Variants in RAB38 observed in about 807,000 individuals in gnomAD.
RAB38 encodes RAB38, member RAS oncogene family.
In RAB38, 15 loss-of-function variants were observed where a neutral mutation model predicts 18.4. The observed-to-expected ratio is 0.82, with a 90% CI of 0.55 to 1.26. The LOEUF is 1.26. Among genes scored for constraint, RAB38 ranks in the 50% most tolerant of loss-of-function variants. RAB38 has a pLI of 0.00. For synonymous variants in RAB38, 101 were observed against 104.4 expected, an observed-to-expected ratio of 0.97 and a Z score of 0.20; for missense variants, 294 against 267.4, an observed-to-expected ratio of 1.10 and a Z score of -0.69.
rs184704600 is a variant in RAB38 at position 88,147,185 on chromosome 11, G to A, written c.483+2490C>T. Among the ~76,000 whole-genome samples, 162 of 152,022 alleles carry A rather than the reference G, an allele frequency of 1.1e-3. 1 individual carries two copies. The highest frequency in any genetic ancestry group is 3.1e-3 in the African/African-American group (130 of 41,456). On this transcript the variant is annotated intron_variant, in intron 2 of 2. Transcript: ENST00000243662. ...ATCACACATCATATATTTATGTTTT[G>A]TTGTTGTTTTTATCCATGAAGGCAA...
chr11:87,860,549 A>G, the RAB38 span, among the ~76,000 whole-genome samples: 2 of 151,980 alleles, frequency 1.3e-5, no homozygotes, highest in African/African-American at 4.8e-5. Context: ...ATTGTATCTA[A>G]TTTTATAAGG....
At chr11:87,903,684 G>A in the RAB38 span, among the ~76,000 whole-genome samples, 1 of 150,724 alleles carries the variant, frequency 6.6e-6, no homozygotes, top group Non-Finnish European at 1.5e-5. Flanking sequence ...ATCCATCTGG[G>A]CCTATACGTT....
the RAB38 span, among the ~76,000 whole-genome samples, chr11:87,974,479 G>A: frequency 1.3e-5 from 2 of 151,762 alleles, no homozygotes; most frequent in Non-Finnish European, 2.9e-5. Flanking sequence ...AAAAACCTCA[G>A]TGACTTGTGA....
the RAB38 span, among the ~76,000 whole-genome samples, chr11:87,921,270 C>A: frequency 0.092 from 13,969 of 151,876 alleles, 840 homozygotes; most frequent in Admixed American, 0.22. Flanking sequence ...ATTTCCTGGG[C>A]TAGTGATACT....
the RAB38 span, among the ~76,000 whole-genome samples, chr11:88,011,182 T>TAAG: frequency 1.3e-5 from 2 of 152,248 alleles, no homozygotes; most frequent in Non-Finnish European, 2.9e-5. Context: ...TCCCACTTAA[T>TAAG]ATGTGTAAGA....
chr11:88,164,245 C>T (rs1424791381), intron 1 of RAB38, among the ~76,000 whole-genome samples: 2 of 108,088 alleles, frequency 1.9e-5, no homozygotes, highest in Non-Finnish European at 4.2e-5. Context: ...AAATATATGC[C>T]AAGGTGCTCT....
chr11:88,070,393 C>A, the RAB38 span, among the ~76,000 whole-genome samples: 1 of 152,204 alleles, frequency 6.6e-6, no homozygotes, highest in Non-Finnish European at 1.5e-5. Flanking sequence ...CCGGACACGC[C>A]ACCTTCAAGA....
At chr11:87,977,400 ATTAT>A in the RAB38 span, among the ~76,000 whole-genome samples, 1 of 88,272 alleles carries the variant, frequency 1.1e-5, no homozygotes, top group Non-Finnish European at 2.2e-5. Context: ...TATATATATA[ATTAT>A]ATTATAAAAT....
At chr11:88,110,805 C>A (rs1444056071), downstream of RAB38, among the ~76,000 whole-genome samples, 2 of 142,780 alleles carry the variant, frequency 1.4e-5, no homozygotes, top group Non-Finnish European at 1.5e-5. Flanking sequence ...TACAGTGAGA[C>A]TCCATCTCAA....
the RAB38 span, among the ~76,000 whole-genome samples, chr11:87,911,361 G>C: frequency 6.6e-6 from 1 of 152,022 alleles, no homozygotes; most frequent in African/African-American, 2.4e-5. Flanking sequence ...TCAATTTAGA[G>C]AGAAATAACA....
chr11:88,047,375 T>C, the RAB38 span, among the ~76,000 whole-genome samples: 1 of 152,190 alleles, frequency 6.6e-6, no homozygotes, highest in South Asian at 2.1e-4. Flanking sequence ...GGTTTATTGA[T>C]GGCAGTTCCA....
chr11:87,925,377 G>A, the RAB38 span, among the ~76,000 whole-genome samples: 2 of 151,992 alleles, frequency 1.3e-5, no homozygotes, highest in African/African-American at 2.4e-5. Flanking sequence ...CATGTACCAG[G>A]CATTGTGCTA....
At position 88,154,285 on chromosome 11, in the gene RAB38, C is replaced by G. The variant is rs1322500466; in HGVS notation, c.203-4330G>C. On this transcript the variant is annotated intron_variant, in intron 1 of 2. Coordinates refer to ENST00000243662, the MANE Select transcript of RAB38 (RefSeq NM_022337.3). ...GAAAGGCAACTATTCATTTTAATCT[C>G]TAGCCAGAGACCAGAGCACTCACTC... Among the ~76,000 whole-genome samples the G allele has an allele frequency of 2.0e-5, 3 of 152,320 alleles. No homozygotes were observed. The East Asian group carries it at 5.8e-4, about 29-fold the overall frequency.
chr11:88,009,202 A>G, the RAB38 span, among the ~76,000 whole-genome samples: 5 of 152,170 alleles, frequency 3.3e-5, no homozygotes, highest in Non-Finnish European at 7.3e-5. Context: ...GAACAATACT[A>G]TAAGATTCTA....
At chr11:87,953,354 C>T in the RAB38 span, among the ~76,000 whole-genome samples, 1 of 152,106 alleles carries the variant, frequency 6.6e-6, no homozygotes, top group East Asian at 1.9e-4. Flanking sequence ...TCAATTCTTT[C>T]CAGCTTTTTA....
chr11:88,174,594 G>C (rs1418922961), intron 1 of RAB38, among the ~76,000 whole-genome samples: 28 of 113,160 alleles, frequency 2.5e-4, no homozygotes, highest in African/African-American at 8.2e-4. Flanking sequence ...ACACACAAAA[G>C]TACTTGGCTT....
At chr11:88,019,241 A>G in the RAB38 span, among the ~76,000 whole-genome samples, 5 of 152,188 alleles carry the variant, frequency 3.3e-5, no homozygotes, top group East Asian at 3.9e-4. Context: ...TAGTTTCTCT[A>G]TCTTTGTAAA....
chr11:88,015,249 G>A, the RAB38 span, among the ~76,000 whole-genome samples: 1 of 152,096 alleles, frequency 6.6e-6, no homozygotes, highest in Non-Finnish European at 1.5e-5. Context: ...CTCTTCTATG[G>A]TTCTCAAACG....
At chr11:88,138,957 T>G (rs1325060579) in intron 2 of RAB38, among the ~76,000 whole-genome samples, 1 of 151,904 alleles carries the variant, frequency 6.6e-6, no homozygotes, top group Non-Finnish European at 1.5e-5. Flanking sequence ...TAATTTTTTT[T>G]GTATTTTTAG....
Sources: gnomAD v4.1 joint callset for allele counts (sites outside exome capture counted in the v4.1 genomes callset) on GRCh38, gnomAD v4.1.1 for gene constraint, MANE v1.5 for transcripts, NCBI Gene and HGNC (gene_info 2026-07-23, HGNC 2026-07-21) for gene names.